Variants in HOXA9 observed in about 807,000 individuals in gnomAD.
The protein encoded by HOXA9 is homeobox protein Hox-A9.
In HOXA9, 18 loss-of-function variants were observed where a neutral mutation model predicts 19.0. The ratio of observed to expected loss-of-function variants is 0.95; its 90% CI spans 0.65 to 1.40. HOXA9 has a LOEUF of 1.40. Among genes scored for constraint, HOXA9 ranks in the 40% most tolerant of loss-of-function variants. The pLI is 0.00. For synonymous variants in HOXA9, 198 were observed against 161.1 expected (o/e 1.23, Z -1.73); for missense variants, 443 against 372.2 (o/e 1.19, Z -1.57).
At position 27,163,458 on chromosome 7, in the gene HOXA9, A is replaced by ATG; in HGVS notation, c.*143_*144dup. The stretch of plus-strand genomic sequence containing the variant: ...CTGAACAGGGTTTGCCTTGGAAAAG[A>ATG]TGTGGCCTGAGGTTTAGAGCCGCTT... On this transcript the variant is annotated 3_prime_UTR_variant, in exon 2 of 2. Transcript: ENST00000343483. The ATG allele has an allele frequency of 1.4e-6, 1 of 703,802 alleles. No homozygotes were observed. The highest frequency in any genetic ancestry group is 2.5e-6 in the Non-Finnish European group (1 of 406,640). The allele number at this position is 703,802 out of a possible 1,614,324, so 43.6% of individuals were successfully genotyped here.
rs569929002 is a variant in HOXA9, at chr7:27,162,859, C to G, written c.*744G>C. Reference sequence around the variant, plus strand: ...TATAGATAATGGACAGACTTAAATGCCCGCATTTTTAAGGTGGAGAAAATG... The same window carrying G: ...TATAGATAATGGACAGACTTAAATGGCCGCATTTTTAAGGTGGAGAAAATG... On this transcript the variant is annotated 3_prime_UTR_variant, in exon 2 of 2. Transcript: ENST00000343483. 1 of 199,064 alleles carries G rather than the reference C, an allele frequency of 5.0e-6. No individual in the cohort carries two copies. The highest frequency in any genetic ancestry group is 1.0e-5 in the Non-Finnish European group (1 of 96,346). 12.3% of individuals were successfully genotyped at this position (199,064 alleles called of 1,614,324 possible). A position where few individuals can be genotyped will look rare whatever the true frequency, so the allele number is the denominator to read the frequency against.
In HOXA9 at chr7:27,163,550, TTC is replaced by T; in HGVS notation, c.*51_*52del. 7.3e-7 allele frequency: 1 copy of T among 1,365,862 alleles called. No individual in the cohort carries two copies. Among genetic ancestry groups the T allele is most frequent in the Middle Eastern group, 1.9e-4 (1 of 5,164 alleles). 84.6% of individuals were successfully genotyped at this position (1,365,862 alleles called of 1,614,324 possible). On this transcript the variant is annotated 3_prime_UTR_variant, in exon 2 of 2. Transcript: ENST00000343483. ...GAGAAGGCGGAAGGGGGACGGACAGTTCTTTCTTTTTCTCTCTAGCTTACCCT... is the reference window on the plus strand; with the variant it reads ...GAGAAGGCGGAAGGGGGACGGACAGTTTTCTTTTTCTCTCTAGCTTACCCT...
chr7:27,164,332 GCTGATCACGT>G (rs1783268431), intron 1 of HOXA9, among the ~76,000 whole-genome samples: 1 of 152,230 alleles, frequency 6.6e-6, no homozygotes, highest in African/African-American at 2.4e-5. Flanking sequence ...CCCTAAGGCC[GCTGATCACGT>G]CTGTGGCTTA....
chr7:27,163,942 T>A, intron 1 of HOXA9, 101 bp from the exon 2 acceptor site: 1 of 945,754 alleles, frequency 1.1e-6, no homozygotes, highest in Non-Finnish European at 1.7e-6. Context: ...TGCAGAACTC[T>A]GCTGAACTGG....
In HOXA9 at chr7:27,163,745, A is replaced by T. The variant is rs1443381959; in HGVS notation, c.677T>A (p.Leu226Gln). The change falls in exon 2 of 2, where the codon CTG (leucine) becomes CAG (glutamine). Residue 226 changes from leucine to glutamine, a missense_variant. Coordinates refer to ENST00000343483, the MANE Select transcript of HOXA9 (RefSeq NM_152739.4). ...HQTLELEKEFLFNMYLTRDRR... is the reference protein window; with the variant it reads ...HQTLELEKEFQFNMYLTRDRR... ...GTCCCTGGTGAGGTACATGTTGAAC[A>T]GAAACTCTTTCTCCAGTTCCAGGGT... is the stretch of plus-strand genomic sequence containing the variant. 2 of 1,613,790 alleles carry T rather than the reference A, an allele frequency of 1.2e-6. No homozygotes were observed. Among genetic ancestry groups the T allele is most frequent in the Admixed American group, 1.7e-5 (1 of 59,984 alleles).
In HOXA9 at chr7:27,163,026, T is replaced by C. The variant is rs1165789511; in HGVS notation, c.*577A>G. Reference sequence around the variant, plus strand: ...TACAGAGCTATACTCTATGCAACTGTTTTTTTCCCCTCATAAACAACCTGA... The same window carrying C: ...TACAGAGCTATACTCTATGCAACTGCTTTTTTCCCCTCATAAACAACCTGA... On this transcript the variant is annotated 3_prime_UTR_variant, in exon 2 of 2. Transcript: ENST00000343483. 1 of 205,240 alleles carries C rather than the reference T, an allele frequency of 4.9e-6. No homozygotes were observed. Among genetic ancestry groups the C allele is most frequent in the Admixed American group, 5.9e-5 (1 of 16,814 alleles). The allele number at this position is 205,240 out of a possible 1,614,324, so 12.7% of individuals were successfully genotyped here.
intron 1 of HOXA9, among the ~76,000 whole-genome samples, chr7:27,164,209 C>T (rs1783265086): frequency 6.6e-6 from 1 of 152,252 alleles, no homozygotes; most frequent in Non-Finnish European, 1.5e-5. Context: ...GATTAGGATT[C>T]CTCTGTCCCG....
rs1783303269 is a variant in HOXA9, at chr7:27,165,227, A to G, written c.231T>C (p.Ala77=). The change falls in exon 1 of 2, where the codon GCT becomes GCC. Residue 77 remains alanine (A), a synonymous_variant. Transcript: ENST00000343483. ...WNPVHAAGAN[A]VPAAVYHHHH... ...GGTGGTGGTACACCGCAGCGGGTAC[A>G]GCGTTGGCGCCCGCCGCGTGCACTG... 6.4e-7 allele frequency: 1 copy of G among 1,573,730 alleles called. No homozygotes were observed. The highest frequency in any genetic ancestry group is 8.6e-7 in the Non-Finnish European group (1 of 1,161,536).
At position 27,162,645 on chromosome 7, in the gene HOXA9, G is replaced by A. The variant is rs1472247616; in HGVS notation, c.*958C>T. 4.8e-6 allele frequency: 1 copy of A among 208,790 alleles called. No homozygotes were observed. The highest frequency in any genetic ancestry group is 7.3e-5 in the East Asian group (1 of 13,744). 12.9% of individuals were successfully genotyped at this position (208,790 alleles called of 1,614,324 possible). A position where few individuals can be genotyped will look rare whatever the true frequency, so the allele number is the denominator to read the frequency against. ...ATTTATTATCAATAAAATTAACTCCGTTACAATCAGCATTCATTTCCTCCA... is the reference window on the plus strand; with the variant it reads ...ATTTATTATCAATAAAATTAACTCCATTACAATCAGCATTCATTTCCTCCA... On this transcript the variant is annotated 3_prime_UTR_variant, in exon 2 of 2. Coordinates refer to ENST00000343483, the MANE Select transcript of HOXA9 (RefSeq NM_152739.4).
chr7:27,165,351 C>T lies in HOXA9; in HGVS notation c.107G>A (p.Gly36Asp), dbSNP rs747732627. 1 of 1,591,508 alleles carries T rather than the reference C, an allele frequency of 6.3e-7. No individual in the cohort carries two copies. Among genetic ancestry groups the T allele is most frequent in the Admixed American group, 1.7e-5 (1 of 57,432 alleles). The change falls in exon 1 of 2, where the codon GGC (glycine) becomes GAC (aspartate). Residue 36 changes from glycine (G) to aspartate (D), a missense_variant. By Grantham distance (94) the Gly-to-Asp change is moderately conservative. Transcript: ENST00000343483. The stretch of plus-strand genomic sequence containing the variant: ...CGTCGCCGCCTGCCGGGGAGGCTGG[C>T]CCAGGGTCCCCGGCGCATAGCGGCC... Reference protein sequence around the residue: ...SVGRYAPGTLGQPPRQAATLA... With the variant: ...SVGRYAPGTLDQPPRQAATLA...
In HOXA9 at chr7:27,164,896, T is replaced by G. The variant is rs1416576698; in HGVS notation, c.562A>C (p.Lys188Gln). Residue 188 changes from lysine to glutamine, a missense_variant, in exon 1 of 2, where the codon AAG (lysine) becomes CAG (glutamine). By Grantham distance (53) the Lys-to-Gln change is moderately conservative. Coordinates refer to ENST00000343483, the MANE Select transcript of HOXA9 (RefSeq NM_152739.4). The stretch of plus-strand genomic sequence containing the variant: ...CACTTACTGGGATCGATGGGGGGCT[T>G]GTCTCCGCCGCTCTCATTCTCAGCA... ...NNAENESGGDKPPIDPNNPAA... is the reference protein window; with the variant it reads ...NNAENESGGDQPPIDPNNPAA... The G allele has an allele frequency of 1.2e-6, 2 of 1,613,888 alleles. No homozygotes were observed. The highest frequency in any genetic ancestry group is 2.7e-5 in the African/African-American group (2 of 74,906).
intron 1 of HOXA9, among the ~76,000 whole-genome samples, chr7:27,164,603 G>C (rs1370404080): frequency 3.3e-5 from 5 of 152,262 alleles, no homozygotes; most frequent in Non-Finnish European, 7.3e-5. Context: ...GCCAAGGAGA[G>C]GGGCGGCCAG....
Position 27,162,790 on chromosome 7 carries a change from C to G in HOXA9, c.*813G>C, listed in dbSNP as rs1783227454. 4.9e-6 allele frequency: 1 copy of G among 203,648 alleles called. No individual in the cohort carries two copies. Among genetic ancestry groups the G allele is most frequent in the South Asian group, 1.9e-4 (1 of 5,250 alleles). 12.6% of individuals were successfully genotyped at this position (203,648 alleles called of 1,614,324 possible). ...AAGCTTGTCTGATTATGCATATTTT[C>G]TTTAATCATATAGATTATATATACA... On this transcript the variant is annotated 3_prime_UTR_variant, in exon 2 of 2. Coordinates refer to ENST00000343483, the MANE Select transcript of HOXA9 (RefSeq NM_152739.4).
At position 27,164,905 on chromosome 7, in the gene HOXA9, C is replaced by T. The variant is rs372435851; in HGVS notation, c.553G>A (p.Gly185Ser). ...GGATCGATGGGGGGCTTGTCTCCGC[C>T]GCTCTCATTCTCAGCATTGTTTTCA... is the stretch of plus-strand genomic sequence containing the variant. ...FSENNAENES[G>S]GDKPPIDPNN... The change falls in exon 1 of 2, where the codon GGC becomes AGC. Residue 185 changes from glycine to serine, a missense_variant. Transcript: ENST00000343483. 2 of 1,613,990 alleles carry T rather than the reference C, an allele frequency of 1.2e-6. No individual in the cohort carries two copies. The highest frequency in any genetic ancestry group is 1.7e-6 in the Non-Finnish European group (2 of 1,179,992).
rs73073414 is a variant in HOXA9, at chr7:27,164,862, G to A, written c.580+16C>T. ...GCGTGGAGGCGGCGGCGGATTTGAA[G>A]GGAGGAGACACTTACTGGGATCGAT... On this transcript the variant is annotated intron_variant, in intron 1 of 1. Transcript: ENST00000343483. 6.2e-7 allele frequency: 1 copy of A among 1,604,754 alleles called. No individual in the cohort carries two copies. Among genetic ancestry groups the A allele is most frequent in the Non-Finnish European group, 8.5e-7 (1 of 1,173,446 alleles).
rs11978680 is a variant in HOXA9, at chr7:27,165,246, T to C, written c.212A>G (p.His71Arg). 2.6e-6 allele frequency: 4 copies of C among 1,562,022 alleles called. No homozygotes were observed. In the Admixed American group the frequency reaches 5.7e-5, roughly 22 times the overall value. ...GGGTACAGCGTTGGCGCCCGCCGCG[T>C]GCACTGGGTTCCACGAGGCGCCAAA... is the stretch of plus-strand genomic sequence containing the variant. ...TVFGASWNPV[H>R]AAGANAVPAA... Residue 71 changes from histidine (H) to arginine (R), a missense_variant, in exon 1 of 2, where the codon CAC (histidine) becomes CGC (arginine). Transcript: ENST00000343483.
Position 27,162,962 on chromosome 7 carries a change from A to G in HOXA9, c.*641T>C, listed in dbSNP as rs1360464627. On this transcript the variant is annotated 3_prime_UTR_variant, in exon 2 of 2. Transcript: ENST00000343483. ...AAATTCTTACAGCTACTTTACAATC[A>G]TAGGTTAACAGCCTAGTTATACAGA... 2 of 199,478 alleles carry G rather than the reference A, an allele frequency of 1.0e-5. No homozygotes were observed. The highest frequency in any genetic ancestry group is 1.9e-4 in the South Asian group (1 of 5,244). 12.4% of individuals were successfully genotyped at this position (199,478 alleles called of 1,614,324 possible).
rs762677209 is a variant in HOXA9, at chr7:27,165,122, C to T, written c.336G>A (p.Leu112=). 3 of 1,608,456 alleles carry T rather than the reference C, an allele frequency of 1.9e-6. No individual in the cohort carries two copies. Among genetic ancestry groups the T allele is most frequent in the South Asian group, 2.2e-5 (2 of 90,784 alleles). Residue 112 remains leucine (L), a synonymous_variant, in exon 1 of 2, where the codon CTG becomes CTA. Coordinates refer to ENST00000343483, the MANE Select transcript of HOXA9 (RefSeq NM_152739.4). ...AGGAGAGCGCACCGGGCGTGGGCTC[C>T]AGCCAGGAGCGCATGTACCTGCCGT... ...APDGRYMRSW[L]EPTPGALSFA... is the part of the protein sequence containing the mutation.
In HOXA9 at chr7:27,165,050, C is replaced by T. The variant is rs374547527; in HGVS notation, c.408G>A (p.Pro136=). 4.7e-5 allele frequency: 76 copies of T among 1,614,156 alleles called. No individual in the cohort carries two copies. In the East Asian group the frequency reaches 1.7e-3, roughly 36 times the overall value. The change falls in exon 1 of 2, where the codon CCG becomes CCA. Residue 136 remains proline, a synonymous_variant. Coordinates refer to ENST00000343483, the MANE Select transcript of HOXA9 (RefSeq NM_152739.4). ...GACAGTCACCCCTTCTGGCCGACAG[C>T]GGTTCAGGTTTAATGCCATAAGGCC... ...SSRPYGIKPE[P]LSARRGDCPT...
Sources: gnomAD v4.1 joint callset for allele counts (sites outside exome capture counted in the v4.1 genomes callset) on GRCh38, gnomAD v4.1.1 for gene constraint, MANE v1.5 for transcripts, NCBI Gene and HGNC (gene_info 2026-07-23, HGNC 2026-07-21) for gene names.